Variants in PSMA1 observed in about 807,000 individuals in gnomAD.
The protein encoded by PSMA1 is proteasome subunit alpha type-1.
Under a neutral mutation model 38.4 loss-of-function variants are expected in PSMA1, and 3 were observed. The ratio of observed to expected loss-of-function variants is 0.08; its 90% CI spans 0.04 to 0.20. The LOEUF is 0.20. PSMA1 is among the 10% of genes least tolerant of loss of function. The probability of loss-of-function intolerance (pLI) is 1.00; values close to 1 mark genes in which losing one functional copy is unlikely to be tolerated. For synonymous variants in PSMA1, 101 were observed against 107.1 expected, an observed-to-expected ratio of 0.94 and a Z score of 0.35; for missense variants, 227 against 325.3, an observed-to-expected ratio of 0.70 and a Z score of 2.32.
chr11:14,518,044 GT>G, intron 2 of PSMA1, 63 bp from the exon 3 acceptor site: 1 of 1,219,536 alleles, frequency 8.2e-7, no homozygotes, highest in Non-Finnish European at 1.1e-6. Flanking sequence ...AAAAATTAGG[GT>G]TTTCAAATAT....
At chr11:14,563,282 C>T (rs1852030914) in intron 2 of PSMA1, among the ~76,000 whole-genome samples, 1 of 152,172 alleles carries the variant, frequency 6.6e-6, no homozygotes, top group Non-Finnish European at 1.5e-5. Context: ...TTTGAGATGC[C>T]TGTTTACTTT....
At chr11:14,514,112 C>T in intron 5 of PSMA1, 1 of 1,319,716 alleles carries the variant, frequency 7.6e-7, no homozygotes, top group Non-Finnish European at 9.6e-7. Flanking sequence ...CATCTAAAAC[C>T]TGATTTGTTT....
intron 1 of PSMA1, among the ~76,000 whole-genome samples, chr11:14,615,927 C>T (rs182156233): frequency 6.6e-6 from 1 of 152,072 alleles, no homozygotes; most frequent in Non-Finnish European, 1.5e-5. Context: ...CACGCAGAGG[C>T]CAGAGCAAGA....
Position 14,617,664 on chromosome 11 carries a change from T to TATATATATAC in PSMA1, c.-165-6523_-165-6514dup, listed in dbSNP as rs547780817. Among the ~76,000 whole-genome samples, 357 of 150,094 alleles carry TATATATATAC rather than the reference T, an allele frequency of 2.4e-3. 1 individual carries two copies. The Middle Eastern group carries it at 0.024, about 10-fold the overall frequency. The stretch of plus-strand genomic sequence containing the variant: ...TCTTTATTGTCCTTTTTTTTTGAAA[T>TATATATATAC]ATATATATACATATATATACGTATA... On this transcript the variant is annotated intron_variant, in intron 1 of 10. Transcript: ENST00000418988.
intron 1 of PSMA1, among the ~76,000 whole-genome samples, chr11:14,617,697 A>ATATG (rs1554973315): frequency 9.7e-5 from 13 of 133,918 alleles, no homozygotes; most frequent in African/African-American, 3.1e-4. Flanking sequence ...ATATATATAT[A>ATATG]TGTGTGTGTG....
chr11:14,523,590 ATT>A (rs35903786), upstream of PSMA1, among the ~76,000 whole-genome samples: 1,082 of 136,150 alleles, frequency 7.9e-3, 10 homozygotes, highest in South Asian at 0.012. Flanking sequence ...CTCAGGATAC[ATT>A]TTTTTTTTTT....
At chr11:14,600,779 C>T (rs759504968) in intron 2 of PSMA1, among the ~76,000 whole-genome samples, 55 of 152,176 alleles carry the variant, frequency 3.6e-4, no homozygotes, top group Non-Finnish European at 7.3e-4. Flanking sequence ...GTGAGATGCA[C>T]CAGGTACCTC....
At chr11:14,519,941 C>G (rs1851499144) in intron 1 of PSMA1, 1 of 284,820 alleles carries the variant, frequency 3.5e-6, no homozygotes, top group South Asian at 9.1e-5. Flanking sequence ...ACAGGTAGGC[C>G]TCCAAGTCAA....
intron 2 of PSMA1, among the ~76,000 whole-genome samples, chr11:14,597,094 C>T (rs1162617341): frequency 6.6e-6 from 1 of 152,186 alleles, no homozygotes; most frequent in Non-Finnish European, 1.5e-5. Context: ...AGGGATGAAG[C>T]CAACTTGATC....
intron 2 of PSMA1, among the ~76,000 whole-genome samples, chr11:14,536,819 G>C (rs1391484126): frequency 6.6e-6 from 1 of 152,040 alleles, no homozygotes; most frequent in Non-Finnish European, 1.5e-5. Context: ...GTTTCACTGT[G>C]TTAGCCAGGA....
intron 2 of PSMA1, among the ~76,000 whole-genome samples, chr11:14,599,500 A>G (rs1852551947): frequency 2.0e-5 from 3 of 152,050 alleles, no homozygotes; most frequent in Non-Finnish European, 4.4e-5. Flanking sequence ...ATCTTCAGTA[A>G]CTGATACCCT....
At chr11:14,642,860 T>G (rs1837919717) in intron 1 of PSMA1, among the ~76,000 whole-genome samples, 1 of 152,156 alleles carries the variant, frequency 6.6e-6, no homozygotes, top group South Asian at 2.1e-4. Context: ...CTTCAAGGCC[T>G]GCTGATCCAA....
At position 14,505,027 on chromosome 11, in the gene PSMA1, G is replaced by T. The variant is rs1356810068; in HGVS notation, c.*165C>A. 1 of 663,550 alleles carries T rather than the reference G, an allele frequency of 1.5e-6. No individual in the cohort carries two copies. Among genetic ancestry groups the T allele is most frequent in the Admixed American group, 2.3e-5 (1 of 42,586 alleles). The allele number at this position is 663,550 out of a possible 1,614,324, so 41.1% of individuals were successfully genotyped here. ...AAAGAAAAATGTATTCCATTATATA[G>T]GTTTCAGTGAGGTTGCTTGGAAAAA... is the stretch of plus-strand genomic sequence containing the variant. On this transcript the variant is annotated 3_prime_UTR_variant, in exon 10 of 10. Coordinates refer to ENST00000396394, the MANE Select transcript of PSMA1 (RefSeq NM_002786.4).
In PSMA1 at chr11:14,604,063, T is replaced by C. The variant is rs1256987669; in HGVS notation, c.21+6903A>G. On this transcript the variant is annotated intron_variant, in intron 2 of 10. Coordinates refer to the PSMA1 transcript ENST00000418988. Reference sequence around the variant, plus strand: ...ACCATTAAAATACATTTCTTCTAACTACTAAATGTCCTTTCCAGTAAGCTG... The same window carrying C: ...ACCATTAAAATACATTTCTTCTAACCACTAAATGTCCTTTCCAGTAAGCTG... 2.6e-5 allele frequency among the ~76,000 whole-genome samples: 4 copies of C among 152,236 alleles called. No individual in the cohort carries two copies. The East Asian group carries it at 5.8e-4, about 22-fold the overall frequency.
upstream of PSMA1, among the ~76,000 whole-genome samples, chr11:14,523,080 C>T (rs1309745457): frequency 6.6e-6 from 1 of 152,158 alleles, no homozygotes; most frequent in Admixed American, 6.6e-5. Context: ...CCTTTATTCA[C>T]AGCAATTGTC....
At chr11:14,593,195 A>C (rs1276111509) in intron 2 of PSMA1, among the ~76,000 whole-genome samples, 3 of 152,226 alleles carry the variant, frequency 2.0e-5, no homozygotes, top group Non-Finnish European at 4.4e-5. Context: ...AAGAGCTTAC[A>C]TAGCTAGAAA....
intron 1 of PSMA1, among the ~76,000 whole-genome samples, chr11:14,634,876 A>C (rs992300739): frequency 6.6e-6 from 1 of 152,214 alleles, no homozygotes; most frequent in Non-Finnish European, 1.5e-5. Context: ...CCTCTGGAAG[A>C]GTAAAGAGCT....
At chr11:14,565,943 A>G (rs1472996307) in intron 2 of PSMA1, among the ~76,000 whole-genome samples, 1 of 152,232 alleles carries the variant, frequency 6.6e-6, no homozygotes, top group African/African-American at 2.4e-5. Context: ...ATAAGGATCT[A>G]AAGGAATTAG....
chr11:14,584,488 A>G (rs1852317061), intron 2 of PSMA1, among the ~76,000 whole-genome samples: 3 of 144,306 alleles, frequency 2.1e-5, no homozygotes, highest in Admixed American at 2.1e-4. Context: ...TATGGTTTGG[A>G]GTGTTTTTTT....
Sources: allele counts gnomAD v4.1 joint callset (sites outside exome capture counted in the v4.1 genomes callset), GRCh38; gene constraint gnomAD v4.1.1; transcripts MANE v1.5; gene names NCBI Gene and HGNC (gene_info 2026-07-23, HGNC 2026-07-21).